Variants in CFAP54 observed in about 807,000 individuals in gnomAD.
CFAP54 encodes the protein cilia- and flagella-associated protein 54.
A neutral mutation model predicts 370.4 loss-of-function variants in CFAP54; 290 were observed. That is an observed-to-expected ratio of 0.78 (90% CI 0.71 to 0.86). CFAP54 has a LOEUF of 0.86. Ranked by LOEUF, CFAP54 falls within the 40% of genes least tolerant of loss-of-function variation. CFAP54 has a pLI of 0.00. For synonymous variants in CFAP54, 1,206 were observed against 1,236.5 expected (o/e 0.98, Z 0.52); for missense variants, 3,399 against 3,528.7 (o/e 0.96, Z 0.93).
In CFAP54 at chr12:96,489,629, C is replaced by A. The variant is rs998613918; in HGVS notation, c.20C>A (p.Pro7His). The change falls in exon 1 of 68, where the codon CCC (proline) becomes CAC (histidine). Residue 7 changes from proline to histidine, a missense_variant. By Grantham distance (77) the Pro-to-His change is moderately conservative. Transcript: ENST00000524981. ...GTCAATATGGCGGCGCAGGGCTCCCCCTCGAGCTCTCCGTCAGACGACTCT... is the reference window on the plus strand; with the variant it reads ...GTCAATATGGCGGCGCAGGGCTCCCACTCGAGCTCTCCGTCAGACGACTCT... Reference protein sequence around the residue: MAAQGSPSSSPSDDSTT... With the variant: MAAQGSHSSSPSDDSTT... 5.9e-6 allele frequency: 9 copies of A among 1,526,542 alleles called. No individual in the cohort carries two copies. The highest frequency in any genetic ancestry group is 7.9e-6 in the Non-Finnish European group (9 of 1,139,374). The allele number at this position is 1,526,542 out of a possible 1,614,324, so 94.6% of individuals were successfully genotyped here.
chr12:96,729,592 C>A (rs1167344250), intron 50 of CFAP54, among the ~76,000 whole-genome samples: 1 of 152,212 alleles, frequency 6.6e-6, no homozygotes, highest in Non-Finnish European at 1.5e-5. Context: ...CCGTCTGTCA[C>A]CCCTTTCCTT....
intron 60 of CFAP54, among the ~76,000 whole-genome samples, chr12:96,767,231 A>G (rs1958409711): frequency 6.6e-6 from 1 of 152,218 alleles, no homozygotes; most frequent in African/African-American, 2.4e-5. Flanking sequence ...TTCGATGGCC[A>G]ATGGCTACCT....
chr12:96,634,254 C>T (rs186707979), intron 32 of CFAP54, among the ~76,000 whole-genome samples: 1 of 151,832 alleles, frequency 6.6e-6, no homozygotes, highest in East Asian at 1.9e-4. Context: ...CGGGGTTTCA[C>T]TATGTTGGTC....
At chr12:96,603,161 G>C (rs531810719) in intron 26 of CFAP54, among the ~76,000 whole-genome samples, 1 of 152,110 alleles carries the variant, frequency 6.6e-6, no homozygotes, top group Admixed American at 6.6e-5. Context: ...GGTGGTGACA[G>C]AATCTCTCAG....
In CFAP54 at chr12:96,644,352, AC is replaced by A; in HGVS notation, c.4492del (p.Gln1498LysfsTer9). The A allele has an allele frequency of 6.5e-7, 1 of 1,536,020 alleles. No homozygotes were observed. Among genetic ancestry groups the A allele is most frequent in the Non-Finnish European group, 8.7e-7 (1 of 1,146,798 alleles). On this transcript the variant is annotated frameshift_variant, in exon 33 of 68. Coordinates refer to ENST00000524981, the MANE Select transcript of CFAP54 (RefSeq NM_001306084.2). LOFTEE classifies it high-confidence loss of function. ...CAGGTGCACACTTTAACCTGGTTTTACAAAAGCTATGGGAGTGTACGAAGAT... is the reference window on the plus strand; with the variant it reads ...CAGGTGCACACTTTAACCTGGTTTTAAAAAGCTATGGGAGTGTACGAAGAT... ...LAGAHFNLVL[Q>X]KLWECTKMKF...
At chr12:96,674,336 C>CT (rs5800259) in intron 39 of CFAP54, among the ~76,000 whole-genome samples, 84,136 of 124,570 alleles carry the variant, frequency 0.68, 28,567 homozygotes, top group East Asian at 0.78. Flanking sequence ...CAATGTTTTT[C>CT]TTTTTTTTTT....
Position 96,623,888 on chromosome 12 carries a change from A to G in CFAP54, c.3886+7A>G, listed in dbSNP as rs1343569998. 2.0e-6 allele frequency: 3 copies of G among 1,493,208 alleles called. No homozygotes were observed. The highest frequency in any genetic ancestry group is 4.0e-5 in the Admixed American group (2 of 49,662). The allele number at this position is 1,493,208 out of a possible 1,614,324, so 92.5% of individuals were successfully genotyped here. A position where few individuals can be genotyped will look rare whatever the true frequency, so the allele number is the denominator to read the frequency against. On this transcript the variant is annotated splice_region_variant and intron_variant, in intron 28 of 67. Coordinates refer to ENST00000524981, the MANE Select transcript of CFAP54 (RefSeq NM_001306084.2). ...CTCAAACTGACAAAGCAATGTAATC[A>G]TTTGTTTTCTGTATACTTCCATTTA... is the stretch of plus-strand genomic sequence containing the variant.
chr12:96,520,338 G>A (rs1955291365), intron 6 of CFAP54, among the ~76,000 whole-genome samples: 1 of 152,176 alleles, frequency 6.6e-6, no homozygotes, highest in African/African-American at 2.4e-5. Context: ...GAGATCAGGA[G>A]TTCGAGACCA....
intron 39 of CFAP54, among the ~76,000 whole-genome samples, chr12:96,676,537 C>T (rs555732723): frequency 3.2e-4 from 48 of 152,044 alleles, no homozygotes; most frequent in African/African-American, 1.0e-3. Flanking sequence ...GCATTGGTGT[C>T]TTTACTTTTA....
chr12:96,748,849 A>G (rs1317052989), intron 55 of CFAP54, among the ~76,000 whole-genome samples: 2 of 152,186 alleles, frequency 1.3e-5, no homozygotes, highest in African/African-American at 4.8e-5. Context: ...TTCTCTGCCT[A>G]GAAATCAGTG....
In CFAP54 at chr12:96,825,668, ATATAT is replaced by A. The variant is rs536951222; in HGVS notation, c.9097-3340_9097-3336del. ...TGTATATTATATATATCATGCTATA[ATATAT>A]TATATATAACATATCACGATATATA... is the stretch of plus-strand genomic sequence containing the variant. On this transcript the variant is annotated intron_variant, in intron 65 of 67. Transcript: ENST00000524981. 1.3e-4 allele frequency among the ~76,000 whole-genome samples: 16 copies of A among 122,098 alleles called. No individual in the cohort carries two copies. In the East Asian group the frequency reaches 1.4e-3, roughly 11 times the overall value. 80.1% of individuals were successfully genotyped at this position (122,098 alleles called of 152,430 possible).
At chr12:96,624,104 A>G (rs1249022283) in intron 28 of CFAP54, among the ~76,000 whole-genome samples, 10 of 152,232 alleles carry the variant, frequency 6.6e-5, no homozygotes, top group East Asian at 1.9e-4. Context: ...TTAGGATTAC[A>G]TAGCTGGCTT....
chr12:96,858,955 T>G (rs2136461301), intron 66 of CFAP54, among the ~76,000 whole-genome samples: 1 of 152,148 alleles, frequency 6.6e-6, no homozygotes, highest in East Asian at 1.9e-4. Flanking sequence ...CAAGGCAATC[T>G]TAAGCAAAAA....
At chr12:96,825,833 T>C (rs1245764594) in intron 65 of CFAP54, among the ~76,000 whole-genome samples, 5 of 133,318 alleles carry the variant, frequency 3.8e-5, no homozygotes, top group Non-Finnish European at 6.1e-5. Flanking sequence ...TAAATTAGTA[T>C]ATAATATAAT....
intron 50 of CFAP54, among the ~76,000 whole-genome samples, chr12:96,721,205 C>G (rs749813435): frequency 2.0e-5 from 3 of 151,762 alleles, no homozygotes; most frequent in Non-Finnish European, 2.9e-5. Context: ...TTCTTTTTTT[C>G]TAAAACATTG....
intron 4 of CFAP54, among the ~76,000 whole-genome samples, chr12:96,510,904 C>T (rs892019512): frequency 2.7e-5 from 4 of 149,296 alleles, no homozygotes; most frequent in Admixed American, 6.8e-5. Flanking sequence ...TGGAGGTCAC[C>T]GTGAGCTGAG....
At chr12:96,545,862 G>C (rs1218817558) in intron 14 of CFAP54, among the ~76,000 whole-genome samples, 1 of 152,230 alleles carries the variant, frequency 6.6e-6, no homozygotes, top group Non-Finnish European at 1.5e-5. Context: ...GGATAGCTGA[G>C]CACTTGGAGG....
chr12:96,740,789 A>C (rs1958041694), intron 51 of CFAP54, among the ~76,000 whole-genome samples: 1 of 152,124 alleles, frequency 6.6e-6, no homozygotes, highest in Non-Finnish European at 1.5e-5. Context: ...ATTGGGGGTG[A>C]TTTTGCCTCC....
In CFAP54 at chr12:96,687,043, G is replaced by T. The variant is rs542268315; in HGVS notation, c.6014+1805G>T. Among the ~76,000 whole-genome samples, 219 of 152,204 alleles carry T rather than the reference G, an allele frequency of 1.4e-3. 1 individual carries two copies. The highest frequency in any genetic ancestry group is 5.0e-3 in the African/African-American group (206 of 41,526). On this transcript the variant is annotated intron_variant, in intron 42 of 67. Transcript: ENST00000524981. ...CTTTTCCAGCTTCTTGAGGTCTCTT[G>T]CATTCCTTGGCGCATGGCCCCACCT... is the stretch of plus-strand genomic sequence containing the variant.
Sources: gnomAD v4.1 joint callset for allele counts (sites outside exome capture counted in the v4.1 genomes callset) on GRCh38, gnomAD v4.1.1 for gene constraint, MANE v1.5 for transcripts, NCBI Gene and HGNC (gene_info 2026-07-23, HGNC 2026-07-21) for gene names.